Variants in RBFOX1 observed in about 807,000 individuals in gnomAD.
RBFOX1 encodes the protein RNA binding fox-1 homolog 1, also known as RNA binding protein fox-1 homolog 1.
RBFOX1 carries 8 observed loss-of-function variants against 57.7 expected under a neutral mutation model. The observed-to-expected ratio is 0.14, with a 90% confidence interval of 0.08 to 0.25. The LOEUF (loss-of-function observed/expected upper bound fraction) is 0.25, where lower values mean the gene tolerates loss of function less well. Among genes scored for constraint, RBFOX1 ranks in the 10% least tolerant of loss-of-function variants. The pLI is 1.00. For synonymous variants in RBFOX1, 326 were observed against 222.4 expected (o/e 1.47, Z -4.15); for missense variants, 611 against 548.5 (o/e 1.11, Z -1.14).
rs138499463 is a variant in RBFOX1 at position 6,531,563 on chromosome 16, A to G, written c.-63-123040A>G. Among the ~76,000 whole-genome samples the G allele has an allele frequency of 3.9e-5, 6 of 152,246 alleles. No individual in the cohort carries two copies. In the East Asian group the frequency reaches 9.6e-4, roughly 24 times the overall value. ...TATCATTGGCTTTTGGAAAATACCT[A>G]TTGTTTTAAAACAGCTACCTAGGGT... On this transcript the variant is annotated intron_variant, in intron 2 of 15. Transcript: ENST00000550418.
chr16:6,222,171 A>G (rs1235473219), intron 1 of RBFOX1, among the ~76,000 whole-genome samples: 1 of 152,212 alleles, frequency 6.6e-6, no homozygotes, highest in Non-Finnish European at 1.5e-5. Context: ...AATGTTTTAG[A>G]CTAGAGAGAT....
intron 2 of RBFOX1, among the ~76,000 whole-genome samples, chr16:6,460,457 C>CAAAA (rs56761805): frequency 4.3e-4 from 64 of 147,968 alleles, no homozygotes; most frequent in African/African-American, 1.4e-3. Flanking sequence ...AGACACTTCT[C>CAAAA]AAAAAAAAAA....
intron 4 of RBFOX1, among the ~76,000 whole-genome samples, chr16:7,478,890 G>C (rs1283756868): frequency 6.6e-6 from 1 of 152,070 alleles, no homozygotes; most frequent in East Asian, 1.9e-4. Context: ...TCTTGAACGG[G>C]GCTAGTTTGT....
intron 3 of RBFOX1, among the ~76,000 whole-genome samples, chr16:6,984,587 A>G (rs968926440): frequency 1.3e-5 from 2 of 152,272 alleles, no homozygotes; most frequent in African/African-American, 4.8e-5. Context: ...TGGCATATTT[A>G]TGCTGGACAG....
intron 1 of RBFOX1, among the ~76,000 whole-genome samples, chr16:5,281,513 G>A (rs560933954): frequency 6.6e-6 from 1 of 152,300 alleles, no homozygotes; most frequent in South Asian, 2.1e-4. Flanking sequence ...GTCCAATGCT[G>A]AGAGTAGGAT....
At chr16:7,589,574 C>G (rs1369718852) in intron 7 of RBFOX1, among the ~76,000 whole-genome samples, 1 of 151,552 alleles carries the variant, frequency 6.6e-6, no homozygotes, top group Non-Finnish European at 1.5e-5. Context: ...TCTGAAAGAG[C>G]TTGTCTTGCA....
intron 4 of RBFOX1, among the ~76,000 whole-genome samples, chr16:7,389,890 G>A (rs534573495): frequency 4.6e-5 from 7 of 152,248 alleles, no homozygotes; most frequent in Non-Finnish European, 1.0e-4. Context: ...GAAGATGGGG[G>A]TTGTAGTAGT....
intron 4 of RBFOX1, among the ~76,000 whole-genome samples, chr16:7,367,832 TG>T (rs1157158901): frequency 6.6e-6 from 1 of 151,914 alleles, no homozygotes; most frequent in African/African-American, 2.4e-5. Context: ...TTCATTATGA[TG>T]ATATATATAT....
intron 3 of RBFOX1, among the ~76,000 whole-genome samples, chr16:6,841,879 C>G (rs562567919): frequency 1.1e-4 from 17 of 152,192 alleles, no homozygotes; most frequent in African/African-American, 3.1e-4. Flanking sequence ...TGGCTCACGC[C>G]TGTAATCCTA....
chr16:5,548,170 A>ATATATATATATATATATAT (rs1317008346), intron 2 of RBFOX1, among the ~76,000 whole-genome samples: 67 of 40,592 alleles, frequency 1.7e-3, no homozygotes, highest in Non-Finnish European at 2.7e-3. Context: ...AAAAAAAAAA[A>ATATATATATATATATATAT]AAAAATATAT....
intron 4 of RBFOX1, among the ~76,000 whole-genome samples, chr16:5,903,112 G>A (rs2058348558): frequency 6.6e-6 from 1 of 152,048 alleles, no homozygotes; most frequent in African/African-American, 2.4e-5. Flanking sequence ...GTGTGTGTGT[G>A]GGTGTGGGTG....
intron 3 of RBFOX1, among the ~76,000 whole-genome samples, chr16:6,839,789 T>C (rs1603630910): frequency 6.6e-6 from 1 of 152,222 alleles, no homozygotes; most frequent in African/African-American, 2.4e-5. Flanking sequence ...AAGTGGATTG[T>C]AGTCATAGCT....
At chr16:5,330,724 T>A (rs75473057) in intron 1 of RBFOX1, among the ~76,000 whole-genome samples, 2 of 150,830 alleles carry the variant, frequency 1.3e-5, no homozygotes, top group Non-Finnish European at 3.0e-5. Flanking sequence ...TTTTTTTTTT[T>A]AATGAGAAAC....
intron 3 of RBFOX1, among the ~76,000 whole-genome samples, chr16:6,693,419 T>C (rs1002249175): frequency 7.7e-5 from 10 of 130,540 alleles, no homozygotes; most frequent in African/African-American, 2.9e-4. Context: ...CCATCACCAC[T>C]ATCATTATCA....
intron 3 of RBFOX1, among the ~76,000 whole-genome samples, chr16:5,829,040 T>C (rs2056173526): frequency 6.6e-6 from 1 of 152,092 alleles, no homozygotes; most frequent in East Asian, 1.9e-4. Context: ...CAAGGAAGGA[T>C]CTGCTTTCAA....
intron 3 of RBFOX1, among the ~76,000 whole-genome samples, chr16:6,762,370 C>G (rs148521561): frequency 1.3e-5 from 2 of 152,196 alleles, no homozygotes; most frequent in African/African-American, 2.4e-5. Context: ...GCAACCCTTA[C>G]TAGTGCACTT....
chr16:5,277,293 T>A (rs182918737), intron 1 of RBFOX1, among the ~76,000 whole-genome samples: 1 of 150,964 alleles, frequency 6.6e-6, no homozygotes, highest in African/African-American at 2.4e-5. Flanking sequence ...CAGTGGACTT[T>A]GGGGGCTCAG....
At chr16:7,269,882 G>A (rs994647334) in intron 4 of RBFOX1, among the ~76,000 whole-genome samples, 2 of 152,146 alleles carry the variant, frequency 1.3e-5, no homozygotes, top group Non-Finnish European at 2.9e-5. Flanking sequence ...TAACCATAGC[G>A]TATTAGCATA....
At chr16:6,450,488 T>C (rs2094566850) in intron 2 of RBFOX1, among the ~76,000 whole-genome samples, 2 of 151,460 alleles carry the variant, frequency 1.3e-5, no homozygotes, top group Non-Finnish European at 2.9e-5. Flanking sequence ...TTTCCTTCCA[T>C]GCCGATTGGT....
Sources: allele counts gnomAD v4.1 joint callset (sites outside exome capture counted in the v4.1 genomes callset), GRCh38; gene constraint gnomAD v4.1.1; transcripts MANE v1.5; gene names NCBI Gene and HGNC (gene_info 2026-07-23, HGNC 2026-07-21).